LMLN: variants seen among roughly 807,000 people sequenced by gnomAD.
The protein encoded by LMLN is leishmanolysin-like peptidase.
In LMLN, 70 loss-of-function variants were observed where a neutral mutation model predicts 92.3. The ratio of observed to expected loss-of-function variants is 0.76; its 90% CI spans 0.63 to 0.92. LMLN has a LOEUF of 0.92. Ranked by LOEUF, LMLN falls within the 40% of genes least tolerant of loss-of-function variation. LMLN has a pLI of 0.00. For synonymous variants in LMLN, 308 were observed against 296.2 expected, an observed-to-expected ratio of 1.04 and a Z score of -0.41; for missense variants, 691 against 814.6, an observed-to-expected ratio of 0.85 and a Z score of 1.85.
chr3:198,031,692 T>C lies in LMLN; in HGVS notation c.1657-4141T>C, dbSNP rs898664969. The stretch of plus-strand genomic sequence containing the variant: ...TTTTTTCTTTCTTCTCTGGAAGCTG[T>C]AAATTCTTAATTTTAACTTCGCATA... On this transcript the variant is annotated intron_variant, in intron 14 of 15. Coordinates refer to ENST00000330198, the Ensembl canonical transcript of LMLN. The surrounding 1 kb of genome is among the most constrained non-coding windows in gnomAD (Gnocchi z 4.8). Among the ~76,000 whole-genome samples, 3 of 152,204 alleles carry C rather than the reference T, an allele frequency of 2.0e-5. No individual in the cohort carries two copies. Among genetic ancestry groups the C allele is most frequent in the Non-Finnish European group, 2.9e-5 (2 of 68,030 alleles).
rs1723154051 is a variant in LMLN at position 198,034,354 on chromosome 3, A to G, written c.1657-1479A>G. ...GCTGGGTGCGGTGGCTCACGCCTGT[A>G]ATCCTAGCACTTTGGGAGGCCGAGG... is the stretch of plus-strand genomic sequence containing the variant. On this transcript the variant is annotated intron_variant, in intron 14 of 15. Transcript: ENST00000330198. Among the ~76,000 whole-genome samples, 4 of 152,350 alleles carry G rather than the reference A, an allele frequency of 2.6e-5. No homozygotes were observed. The South Asian group carries it at 8.3e-4, about 32-fold the overall frequency.
At chr3:197,986,883 A>G in intron 8 of LMLN, among the ~76,000 whole-genome samples, 1 of 143,312 alleles carries the variant, frequency 7.0e-6, no homozygotes, top group African/African-American at 2.7e-5. Context: ...TCTGTCGTTC[A>G]GGCTGGAGTG....
chr3:197,973,220 A>T (rs1247051426), intron 1 of LMLN, among the ~76,000 whole-genome samples: 1 of 149,610 alleles, frequency 6.7e-6, no homozygotes, highest in East Asian at 1.9e-4. Context: ...TACCATATCC[A>T]TTTGCTGTGC....
chr3:198,023,954 C>T (rs1254663540), intron 13 of LMLN, among the ~76,000 whole-genome samples: 1 of 152,138 alleles, frequency 6.6e-6, no homozygotes, highest in Admixed American at 6.6e-5. Context: ...TGCAACACCC[C>T]CCAAAAGTCT....
Position 197,960,314 on chromosome 3 carries a change from G to C in LMLN, c.93G>C (p.Trp31Cys), listed in dbSNP as rs368620704. 7 of 1,613,938 alleles carry C rather than the reference G, an allele frequency of 4.3e-6. No homozygotes were observed. Among genetic ancestry groups the C allele is most frequent in the Non-Finnish European group, 5.9e-6 (7 of 1,179,954 alleles). ...GCCCGGGCCGGAGCCGGTGGCGCTG[G>C]AGCGGGTCTGTGTGGGTCCGAAGCG... Residue 31 changes from tryptophan (W) to cysteine (C), a missense_variant, in exon 1 of 16, where the codon TGG (tryptophan) becomes TGC (cysteine). By Grantham distance (215) the Trp-to-Cys change is radical. Around this residue, in one of 4 missense-constraint regions of LMLN, gnomAD observed 91 missense variants for 52.5 expected, o/e 1.73. Transcript: ENST00000330198.
chr3:198,038,545 A>G, intron 15 of LMLN, 22 bp from the exon 17 acceptor site: 1 of 1,545,996 alleles, frequency 6.5e-7, no homozygotes, highest in Admixed American at 1.7e-5. Flanking sequence ...ATAGAAAGTC[A>G]GTTTTTTGTT....
chr3:198,031,207 G>A lies in LMLN; in HGVS notation c.1657-4626G>A, dbSNP rs1723070574. ...ATACTTTTATACTACATTGAACAAA[G>A]GGAGACAGTTACAGAAAAGTAAAAT... On this transcript the variant is annotated intron_variant, in intron 14 of 15. Coordinates refer to ENST00000330198, the Ensembl canonical transcript of LMLN. The surrounding 1 kb of genome is among the most constrained non-coding windows in gnomAD (Gnocchi z 4.8). 6.6e-6 allele frequency among the ~76,000 whole-genome samples: 1 copy of A among 152,240 alleles called. No homozygotes were observed. Among genetic ancestry groups the A allele is most frequent in the Non-Finnish European group, 1.5e-5 (1 of 68,048 alleles).
At chr3:197,992,111 AAAG>A (rs1302531898) in intron 9 of LMLN, among the ~76,000 whole-genome samples, 1 of 151,898 alleles carries the variant, frequency 6.6e-6, no homozygotes, top group Non-Finnish European at 1.5e-5. Flanking sequence ...AAAAAAGAAA[AAAG>A]GAAATTTCTT....
At chr3:197,991,860 C>A (rs1196086983) in intron 9 of LMLN, among the ~76,000 whole-genome samples, 3 of 134,310 alleles carry the variant, frequency 2.2e-5, no homozygotes, top group African/African-American at 3.2e-5. Context: ...TTCTACTGAG[C>A]AACTTTTTTT....
At chr3:197,974,542 T>C in intron 2 of LMLN, 68 bp downstream of exon 2, 1 of 822,796 alleles carries the variant, frequency 1.2e-6, no homozygotes, top group East Asian at 3.1e-5. Context: ...TTTTGTCTGT[T>C]ACCTGAAGTT....
chr3:198,018,256 T>C (rs1389107464), intron 11 of LMLN, among the ~76,000 whole-genome samples: 2 of 152,234 alleles, frequency 1.3e-5, no homozygotes, highest in Non-Finnish European at 2.9e-5. Context: ...GAACATGAGC[T>C]TCCATATTCA....
intron 11 of LMLN, among the ~76,000 whole-genome samples, chr3:198,010,245 C>T (rs1462760108): frequency 6.6e-6 from 1 of 152,094 alleles, no homozygotes; most frequent in Admixed American, 6.6e-5. Context: ...CCTCCGCCTC[C>T]CGGGTTCAAA....
At chr3:198,015,199 C>T (rs1260872441) in intron 11 of LMLN, among the ~76,000 whole-genome samples, 2 of 143,104 alleles carry the variant, frequency 1.4e-5, no homozygotes, top group Non-Finnish European at 3.1e-5. Context: ...TCTGACTTCT[C>T]TGTACCTTTC....
intron 11 of LMLN, 133 bp from the exon 12 acceptor site, chr3:198,002,882 C>T: frequency 1.8e-6 from 1 of 569,852 alleles, no homozygotes. Context: ...TGATCACTTA[C>T]AGTGATGGCC....
intron 12 of LMLN, among the ~76,000 whole-genome samples, chr3:198,020,973 T>C (rs1722765562): frequency 6.6e-6 from 1 of 151,870 alleles, no homozygotes; most frequent in Non-Finnish European, 1.5e-5. Flanking sequence ...TGGTGCCTTG[T>C]ACCTTTGGTA....
chr3:198,010,297 G>A (rs990298698), intron 11 of LMLN, among the ~76,000 whole-genome samples: 1 of 152,040 alleles, frequency 6.6e-6, no homozygotes, highest in Non-Finnish European at 1.5e-5. Flanking sequence ...GGGACTACAG[G>A]TGCACACCAC....
chr3:197,968,934 GTC>G (rs1358621956), intron 1 of LMLN, among the ~76,000 whole-genome samples: 4 of 152,178 alleles, frequency 2.6e-5, no homozygotes, highest in South Asian at 4.1e-4. Flanking sequence ...ATTAAGTTAT[GTC>G]TCTCAAAGAA....
chr3:197,997,334 A>G (rs1463952638), intron 10 of LMLN, among the ~76,000 whole-genome samples: 3 of 152,022 alleles, frequency 2.0e-5, no homozygotes, highest in Non-Finnish European at 4.4e-5. Flanking sequence ...GGGTTTCACC[A>G]TGTTGCCCAG....
chr3:198,024,837 C>T, intron 14 of LMLN, 49 bp downstream of exon 15: 2 of 1,480,852 alleles, frequency 1.4e-6, no homozygotes, highest in African/African-American at 1.4e-5. Flanking sequence ...GTGATTTTAT[C>T]TCTTTTATGG....
Sources: gnomAD v4.1 joint callset for allele counts (sites outside exome capture counted in the v4.1 genomes callset) on GRCh38, gnomAD v4.1.1 for gene constraint, gnomAD v4.1.1 regional missense constraint, Gnocchi (gnomAD v3.1) non-coding constraint, MANE v1.5 for transcripts, NCBI Gene and HGNC (gene_info 2026-07-23, HGNC 2026-07-21) for gene names.